Variants in TCF20 observed in about 807,000 individuals in gnomAD.
TCF20 encodes SPRE-binding protein.
Under a neutral mutation model 148.6 loss-of-function variants are expected in TCF20, and 3 were observed. The observed-to-expected ratio is 0.02, with a 90% CI of 0.01 to 0.05. The LOEUF (loss-of-function observed/expected upper bound fraction) is 0.05. TCF20 is among the 10% of genes least tolerant of loss of function. The pLI, the probability that TCF20 is intolerant of heterozygous loss-of-function variation, is 1.00. For missense variants in TCF20, 2,350 were observed against 2,429.3 expected, an observed-to-expected ratio of 0.97 and a Z score of 0.69; for synonymous variants, 1,049 against 909.5, an observed-to-expected ratio of 1.15 and a Z score of -2.76.
At chr22:42,240,720 C>T (rs1339632382) in intron 1 of TCF20, among the ~76,000 whole-genome samples, 2 of 152,150 alleles carry the variant, frequency 1.3e-5, no homozygotes, top group African/African-American at 2.4e-5. Context: ...TAACGCGCTC[C>T]TCACCCCAGC....
At chr22:42,254,077 A>C (rs970512066) in intron 1 of TCF20, among the ~76,000 whole-genome samples, 1 of 106,022 alleles carries the variant, frequency 9.4e-6, no homozygotes, top group Non-Finnish European at 1.9e-5. Context: ...ACTCCCTTTC[A>C]AAAAAAAAAA....
At chr22:42,233,110 G>A (rs927587717) in intron 1 of TCF20, among the ~76,000 whole-genome samples, 3 of 151,996 alleles carry the variant, frequency 2.0e-5, no homozygotes, top group Non-Finnish European at 2.9e-5. Flanking sequence ...TAGTAGAGGC[G>A]AGGTTTTAAC....
chr22:42,234,839 C>T lies in TCF20; in HGVS notation c.-36-19498G>A, dbSNP rs528759481. Among the ~76,000 whole-genome samples, 21 of 152,160 alleles carry T rather than the reference C, an allele frequency of 1.4e-4. No individual in the cohort carries two copies. In the South Asian group the frequency reaches 2.1e-3, roughly 15 times the overall value. On this transcript the variant is annotated intron_variant, in intron 1 of 5. Transcript: ENST00000677622. ...GGTCAGAAGAACAAAAAGATCATTT[C>T]GGTAGCATAAGAACTTTGTGCCGGG...
chr22:42,175,009 G>T (rs551859577), intron 3 of TCF20, among the ~76,000 whole-genome samples: 12 of 151,182 alleles, frequency 7.9e-5, no homozygotes, highest in Non-Finnish European at 1.2e-4. Flanking sequence ...CACTCCAGTC[G>T]GGGCAACACA....
intron 2 of TCF20, among the ~76,000 whole-genome samples, chr22:42,181,542 G>A (rs1936773220): frequency 6.6e-6 from 1 of 151,676 alleles, no homozygotes; most frequent in Non-Finnish European, 1.5e-5. Flanking sequence ...AAGCATTTCT[G>A]GTAGGAAAGT....
At chr22:42,302,015 G>A (rs1318687326) in intron 1 of TCF20, among the ~76,000 whole-genome samples, 1 of 152,150 alleles carries the variant, frequency 6.6e-6, no homozygotes, top group Non-Finnish European at 1.5e-5. Flanking sequence ...GGAGGAGCTG[G>A]GAGAGAACCC....
At position 42,215,259 on chromosome 22, in the gene TCF20, C is replaced by G. The variant is rs143525991; in HGVS notation, c.47G>C (p.Ser16Thr). Reference sequence around the variant, plus strand: ...TGAGCCGTGTACCTCCTGTGGGTAGCTTTGCTGGTTTCCGTGGTAACTGCT... The same window carrying G: ...TGAGCCGTGTACCTCCTGTGGGTAGGTTTGCTGGTTTCCGTGGTAACTGCT... Reference protein sequence around the residue: ...EQSSYHGNQQSYPQEVHGSSR... With the variant: ...EQSSYHGNQQTYPQEVHGSSR... The change falls in exon 2 of 6, where the codon AGC (serine) becomes ACC (threonine). Residue 16 changes from serine (S) to threonine (T), a missense_variant. Ser to Thr is a moderately conservative substitution (Grantham distance 58, BLOSUM62 1). Coordinates refer to ENST00000677622, the MANE Select transcript of TCF20 (RefSeq NM_001378418.1). 22,031 of 1,614,164 alleles carry G rather than the reference C, an allele frequency of 0.014. 265 individuals are homozygous for G. Among genetic ancestry groups the G allele is most frequent in the South Asian group, 0.041 (3,739 of 91,082 alleles).
At chr22:42,167,833 C>T (rs1361489192) in intron 5 of TCF20, among the ~76,000 whole-genome samples, 1 of 152,004 alleles carries the variant, frequency 6.6e-6, no homozygotes, top group Non-Finnish European at 1.5e-5. Context: ...AGTGATCCTC[C>T]CAGCTCAGCC....
intron 1 of TCF20, among the ~76,000 whole-genome samples, chr22:42,310,858 C>A (rs894217477): frequency 6.6e-6 from 1 of 152,230 alleles, no homozygotes; most frequent in African/African-American, 2.4e-5. Flanking sequence ...GCCTGGGCCG[C>A]CCGCCTGCCC....
chr22:42,312,817 G>A (rs1158774788), intron 1 of TCF20, among the ~76,000 whole-genome samples: 1 of 152,060 alleles, frequency 6.6e-6, no homozygotes, highest in Non-Finnish European at 1.5e-5. Context: ...TCTCCCCATT[G>A]TCTGAGCCAC....
At chr22:42,193,138 C>T (rs1043452162) in intron 2 of TCF20, among the ~76,000 whole-genome samples, 1 of 151,716 alleles carries the variant, frequency 6.6e-6, no homozygotes, top group Admixed American at 6.6e-5. Context: ...AGCAAGAGTA[C>T]AATCCTCATT....
At chr22:42,237,168 C>G (rs1029803950) in intron 1 of TCF20, among the ~76,000 whole-genome samples, 1 of 152,190 alleles carries the variant, frequency 6.6e-6, no homozygotes, top group Non-Finnish European at 1.5e-5. Context: ...TCTTTCAAAA[C>G]TGCAGTCAGT....
intron 1 of TCF20, among the ~76,000 whole-genome samples, chr22:42,255,527 CAAA>C (rs370361760): frequency 0.041 from 5,682 of 139,044 alleles, 142 homozygotes; most frequent in Non-Finnish European, 0.059. Flanking sequence ...ACAACAACAA[CAAA>C]ACCACATTAT....
At chr22:42,330,035 G>C (rs1927945036) in intron 1 of TCF20, among the ~76,000 whole-genome samples, 1 of 152,186 alleles carries the variant, frequency 6.6e-6, no homozygotes, top group African/African-American at 2.4e-5. Flanking sequence ...TCCTCCATCA[G>C]GCAAGAGCTT....
chr22:42,266,417 C>T (rs534183991), intron 1 of TCF20, among the ~76,000 whole-genome samples: 1 of 152,328 alleles, frequency 6.6e-6, no homozygotes, highest in South Asian at 2.1e-4. Context: ...GAGAAAAAGT[C>T]CAACTCCAAT....
intron 1 of TCF20, among the ~76,000 whole-genome samples, chr22:42,228,330 A>C (rs1253147251): frequency 6.6e-6 from 1 of 152,230 alleles, no homozygotes. Flanking sequence ...GAGAGTCATA[A>C]CAACAATGAT....
Position 42,214,568 on chromosome 22 carries a change from G to A in TCF20, c.738C>T (p.Ser246=), listed in dbSNP as rs1205425807. ...QSSASSSSSS[S]FPSPQRFSQS... ...GGCTAAAACGCTGTGGTGAAGGGAA[G>A]GAGGAGGAGGAGGAGGAGGAAGCAG... The change falls in exon 2 of 6, where the codon TCC becomes TCT. Residue 246 remains serine, a synonymous_variant. Transcript: ENST00000677622. The A allele has an allele frequency of 6.3e-7, 1 of 1,597,858 alleles. No homozygotes were observed. The highest frequency in any genetic ancestry group is 8.5e-7 in the Non-Finnish European group (1 of 1,169,898).
chr22:42,213,328 C>T lies in TCF20; in HGVS notation c.1978G>A (p.Gly660Arg). 1 of 1,614,208 alleles carries T rather than the reference C, an allele frequency of 6.2e-7. No individual in the cohort carries two copies. Residue 660 changes from glycine to arginine, a missense_variant, in exon 2 of 6, where the codon GGA becomes AGA. By Grantham distance (125) the Gly-to-Arg change is moderately radical (BLOSUM62 -2). Around this residue, in one of 7 missense-constraint regions of TCF20, gnomAD observed 1,641 missense variants for 1,662.6 expected, o/e 0.99. Transcript: ENST00000677622. ...ASLPQPEPPG[G>R]GGSKGNKNGD... The stretch of plus-strand genomic sequence containing the variant: ...TTCTTGTTTCCTTTGCTCCCTCCTC[C>T]TCCTGGAGGCTCTGGCTGGGGAAGT...
At chr22:42,229,348 TTTTA>T (rs1171836866) in intron 1 of TCF20, among the ~76,000 whole-genome samples, 1 of 152,080 alleles carries the variant, frequency 6.6e-6, no homozygotes, top group East Asian at 1.9e-4. Context: ...GATATTAGGA[TTTTA>T]TTTGAGATCT....
Sources: gnomAD v4.1 joint callset for allele counts (sites outside exome capture counted in the v4.1 genomes callset) on GRCh38, gnomAD v4.1.1 for gene constraint, gnomAD v4.1.1 regional missense constraint, MANE v1.5 for transcripts, NCBI Gene and HGNC (gene_info 2026-07-23, HGNC 2026-07-21) for gene names.